PTPN4: variants seen among roughly 807,000 people sequenced by gnomAD.
The protein encoded by PTPN4 is protein tyrosine phosphatase non-receptor type 4.
PTPN4 carries 49 observed loss-of-function variants against 135.5 expected under a neutral mutation model. The ratio of observed to expected loss-of-function variants is 0.36; its 90% CI spans 0.29 to 0.46. The LOEUF is 0.46. Among genes scored for constraint, PTPN4 ranks in the 20% least tolerant of loss-of-function variants. The pLI, the probability that PTPN4 is intolerant of heterozygous loss-of-function variation, is 1.00. For missense variants in PTPN4, 860 were observed against 1,101.0 expected (o/e 0.78, Z 3.10); for synonymous variants, 333 against 369.9 (o/e 0.90, Z 1.14).
intron 26 of PTPN4, among the ~76,000 whole-genome samples, chr2:119,970,722 AT>A (rs1368409842): frequency 1.2e-4 from 19 of 152,018 alleles, no homozygotes; most frequent in Non-Finnish European, 5.9e-5. Context: ...ATGGACATTT[AT>A]TTGGTTTGTA....
At chr2:119,803,948 C>T (rs947094236) in intron 1 of PTPN4, among the ~76,000 whole-genome samples, 6 of 151,860 alleles carry the variant, frequency 4.0e-5, no homozygotes, top group Admixed American at 2.0e-4. Context: ...TTATCTGATA[C>T]TAATATAGGT....
chr2:119,882,017 G>A (rs1678088144), intron 6 of PTPN4, 80 bp from the exon 7 acceptor site: 2 of 1,322,768 alleles, frequency 1.5e-6, no homozygotes, highest in South Asian at 2.4e-5. Context: ...AACTTCAAGT[G>A]TGATTGTTTA....
intron 9 of PTPN4, among the ~76,000 whole-genome samples, chr2:119,887,685 G>A (rs1346080887): frequency 1.3e-5 from 2 of 152,138 alleles, no homozygotes; most frequent in African/African-American, 2.4e-5. Context: ...TCAGTTGGCT[G>A]TAAATATTTG....
chr2:119,828,155 G>A (rs907861991), intron 2 of PTPN4, among the ~76,000 whole-genome samples: 1 of 152,206 alleles, frequency 6.6e-6, no homozygotes, highest in African/African-American at 2.4e-5. Flanking sequence ...CCATATGTCA[G>A]TGCTCTGGTC....
intron 13 of PTPN4, among the ~76,000 whole-genome samples, chr2:119,929,073 T>C (rs1678865038): frequency 6.6e-6 from 1 of 152,224 alleles, no homozygotes; most frequent in South Asian, 2.1e-4. Context: ...GAGGTAAAAT[T>C]TCAATATTAT....
chr2:119,846,686 C>G (rs1677503527), intron 2 of PTPN4, among the ~76,000 whole-genome samples: 1 of 151,604 alleles, frequency 6.6e-6, no homozygotes. Context: ...TCTTTTCCTC[C>G]TTTATTGCTT....
chr2:119,911,878 G>A (rs1307503489), intron 10 of PTPN4, among the ~76,000 whole-genome samples: 2 of 152,086 alleles, frequency 1.3e-5, no homozygotes, highest in Non-Finnish European at 2.9e-5. Flanking sequence ...TTCTTAAAAA[G>A]TTAGAAATAT....
At chr2:119,840,244 T>C (rs1371990426) in intron 2 of PTPN4, among the ~76,000 whole-genome samples, 2 of 152,206 alleles carry the variant, frequency 1.3e-5, no homozygotes. Flanking sequence ...TAGGTATTCT[T>C]GATACTCTCC....
intron 12 of PTPN4, 36 bp from the exon 13 acceptor site, chr2:119,926,562 T>C (rs899098762): frequency 7.0e-7 from 1 of 1,429,048 alleles, no homozygotes; most frequent in Non-Finnish European, 9.7e-7. Context: ...ATAGTTCTCT[T>C]AAGACTTTAT....
At chr2:119,833,799 G>C (rs1003915165) in intron 2 of PTPN4, among the ~76,000 whole-genome samples, 1 of 152,106 alleles carries the variant, frequency 6.6e-6, no homozygotes, top group Non-Finnish European at 1.5e-5. Context: ...CCATTTGGAG[G>C]CAGAAAAACT....
chr2:119,771,179 A>G (rs1690727648), intron 1 of PTPN4, among the ~76,000 whole-genome samples: 2 of 152,232 alleles, frequency 1.3e-5, no homozygotes, highest in Admixed American at 1.3e-4. Flanking sequence ...GTGAGGACAC[A>G]TGAAAGTGAT....
intron 1 of PTPN4, among the ~76,000 whole-genome samples, chr2:119,807,656 GCT>G (rs1439455403): frequency 6.6e-6 from 1 of 152,158 alleles, no homozygotes; most frequent in Non-Finnish European, 1.5e-5. Context: ...ACAAAGCGGA[GCT>G]CGTACCATTC....
At chr2:119,913,768 AT>A (rs922364383) in intron 10 of PTPN4, among the ~76,000 whole-genome samples, 1 of 152,230 alleles carries the variant, frequency 6.6e-6, no homozygotes, top group African/African-American at 2.4e-5. Context: ...TTAAAAAAAA[AT>A]CAATCTTTAT....
At chr2:119,824,541 T>A (rs1281444743) in intron 2 of PTPN4, among the ~76,000 whole-genome samples, 4 of 152,206 alleles carry the variant, frequency 2.6e-5, no homozygotes, top group Admixed American at 2.6e-4. Context: ...ATTGAAGTCT[T>A]CAAGTATAAT....
chr2:119,839,328 T>C (rs1390977177), intron 2 of PTPN4, among the ~76,000 whole-genome samples: 1 of 152,192 alleles, frequency 6.6e-6, no homozygotes, highest in Non-Finnish European at 1.5e-5. Context: ...TATATATTTA[T>C]TGCATTTCTT....
chr2:119,929,644 T>A (rs1175633847), intron 13 of PTPN4, among the ~76,000 whole-genome samples: 1 of 152,166 alleles, frequency 6.6e-6, no homozygotes, highest in Non-Finnish European at 1.5e-5. Context: ...ACACTGATGC[T>A]GTGTGGTATT....
At chr2:119,917,620 C>G (rs558892901) in intron 11 of PTPN4, among the ~76,000 whole-genome samples, 1 of 152,056 alleles carries the variant, frequency 6.6e-6, no homozygotes, top group South Asian at 2.1e-4. Context: ...TTTCCCGTTG[C>G]TTGGGAGGCT....
At position 119,844,239 on chromosome 2, in the gene PTPN4, G is replaced by A. The variant is rs1421036194; in HGVS notation, c.139-18297G>A. On this transcript the variant is annotated intron_variant, in intron 2 of 26. Coordinates refer to ENST00000263708, the MANE Select transcript of PTPN4 (RefSeq NM_002830.4). Reference sequence around the variant, plus strand: ...CCAGTAGGGGCGGGCGGGCAGAGGCGCCCCTCACCTCCCAGACGGGGCGGC... The same window carrying A: ...CCAGTAGGGGCGGGCGGGCAGAGGCACCCCTCACCTCCCAGACGGGGCGGC... Among the ~76,000 whole-genome samples, 1,242 of 129,716 alleles carry A rather than the reference G, an allele frequency of 9.6e-3. 20 individuals are homozygous for A. Among genetic ancestry groups the A allele is most frequent in the African/African-American group, 0.035 (1,162 of 33,382 alleles). The allele number at this position is 129,716 out of a possible 152,430, so 85.1% of individuals were successfully genotyped here.
chr2:119,846,921 A>ATG (rs1381757046), intron 2 of PTPN4, among the ~76,000 whole-genome samples: 5 of 151,498 alleles, frequency 3.3e-5, no homozygotes, highest in Non-Finnish European at 5.9e-5. Flanking sequence ...TCTTATATAT[A>ATG]CATATATTAC....
Sources: allele counts gnomAD v4.1 joint callset (sites outside exome capture counted in the v4.1 genomes callset), GRCh38; gene constraint gnomAD v4.1.1; transcripts MANE v1.5; gene names NCBI Gene and HGNC (gene_info 2026-07-23, HGNC 2026-07-21).